The following HECW2 variants were observed in gnomAD, a reference collection of about 807,000 sequenced individuals.
The protein encoded by HECW2 is HECT, C2 and WW domain containing E3 ubiquitin protein ligase 2, also known as E3 ubiquitin-protein ligase HECW2.
In HECW2, 61 loss-of-function variants were observed where a neutral mutation model predicts 175.2. The ratio of observed to expected loss-of-function variants is 0.35; its 90% CI spans 0.28 to 0.43. The LOEUF is 0.43. Among genes scored for constraint, HECW2 ranks in the 20% least tolerant of loss-of-function variants. HECW2 has a pLI of 1.00. For synonymous variants in HECW2, 671 were observed against 731.0 expected (o/e 0.92, Z 1.32); for missense variants, 1,524 against 2,000.5 (o/e 0.76, Z 4.54).
intron 2 of HECW2, among the ~76,000 whole-genome samples, chr2:196,355,236 C>G (rs1223218601): frequency 1.3e-5 from 2 of 152,220 alleles, no homozygotes; most frequent in African/African-American, 4.8e-5. Flanking sequence ...TTTCCAAAGT[C>G]TCTTTCAAGT....
chr2:196,540,413 G>A (rs1208096465), intron 1 of HECW2, among the ~76,000 whole-genome samples: 1 of 151,840 alleles, frequency 6.6e-6, no homozygotes, highest in African/African-American at 2.4e-5. Context: ...TTGTGTTTAA[G>A]GAATATAATT....
intron 9 of HECW2, among the ~76,000 whole-genome samples, chr2:196,317,880 C>T (rs1225521034): frequency 6.6e-6 from 1 of 152,100 alleles, no homozygotes; most frequent in East Asian, 1.9e-4. Context: ...ATTCACTGAG[C>T]GTAATACAAA....
chr2:196,246,626 G>C (rs1196582157), intron 19 of HECW2, among the ~76,000 whole-genome samples: 1 of 151,960 alleles, frequency 6.6e-6, no homozygotes, highest in African/African-American at 2.4e-5. Context: ...TCCTGACCTT[G>C]TGATCCACCC....
Position 196,196,332 on chromosome 2 carries a change from C to T in HECW2, c.*4945G>A, listed in dbSNP as rs1406176901. ...CTTTAATGTCTTCAGCATTCCTTTG[C>T]ATCCATACTAGACAAACAAATTAAT... On this transcript the variant is annotated 3_prime_UTR_variant, in exon 29 of 29. Transcript: ENST00000644978. The T allele has an allele frequency of 6.6e-6, 1 of 152,200 alleles. No homozygotes were observed. The highest frequency in any genetic ancestry group is 1.5e-5 in the Non-Finnish European group (1 of 68,036). The allele number at this position is 152,200 out of a possible 1,614,324, so 9.4% of individuals were successfully genotyped here.
chr2:196,298,901 C>A (rs1690920652), intron 13 of HECW2, among the ~76,000 whole-genome samples: 1 of 152,112 alleles, frequency 6.6e-6, no homozygotes, highest in Non-Finnish European at 1.5e-5. Flanking sequence ...AAACCCTAGA[C>A]AATAAATCTT....
At chr2:196,356,147 C>G (rs1693358441) in intron 2 of HECW2, among the ~76,000 whole-genome samples, 1 of 152,164 alleles carries the variant, frequency 6.6e-6, no homozygotes, top group South Asian at 2.1e-4. Context: ...ATAACAATAA[C>G]ACTCTCTAGA....
chr2:196,415,729 C>T (rs1695237930), intron 2 of HECW2, among the ~76,000 whole-genome samples: 1 of 152,148 alleles, frequency 6.6e-6, no homozygotes, highest in East Asian at 1.9e-4. Flanking sequence ...ACATCCACAA[C>T]AAAGCCTGAA....
In HECW2 at chr2:196,466,020, C is replaced by A. The variant is rs1696938537; in HGVS notation, c.-35-32562G>T. Among the ~76,000 whole-genome samples the A allele has an allele frequency of 3.3e-5, 5 of 152,182 alleles. No individual in the cohort carries two copies. The South Asian group carries it at 1.0e-3, about 32-fold the overall frequency. ...CAATCCCATAACCTTTTAATTGTTT[C>A]TCTAACAGACTGGCTGTTAAGAATA... On this transcript the variant is annotated intron_variant, in intron 1 of 28. Transcript: ENST00000644978.
At chr2:196,208,251 TA>T (rs1687139863) in intron 28 of HECW2, among the ~76,000 whole-genome samples, 1 of 152,254 alleles carries the variant, frequency 6.6e-6, no homozygotes. Flanking sequence ...AACAACTTTG[TA>T]ATATAAATGC....
chr2:196,344,831 C>T (rs1692893630), intron 2 of HECW2, among the ~76,000 whole-genome samples: 1 of 152,162 alleles, frequency 6.6e-6, no homozygotes, highest in East Asian at 1.9e-4. Context: ...ATGAGCTACA[C>T]TAAAAATGGA....
At position 196,318,855 on chromosome 2, in the gene HECW2, C is replaced by T. The variant is rs1691815601; in HGVS notation, c.2035G>A (p.Glu679Lys). Residue 679 changes from glutamate (E) to lysine (K), a missense_variant, in exon 9 of 29, where the codon GAG becomes AAG. By Grantham distance (56) the Glu-to-Lys change is moderately conservative. Transcript: ENST00000644978. The part of the protein sequence containing the change: ...PETPAFSSQE[E>K]EDGACAAEPT... Reference sequence around the variant, plus strand: ...TCTGCTGCACAGGCTCCGTCTTCCTCCTCCTGAGAAGAAAAGGCTGGGGTT... The same window carrying T: ...TCTGCTGCACAGGCTCCGTCTTCCTTCTCCTGAGAAGAAAAGGCTGGGGTT... The T allele has an allele frequency of 6.4e-7, 1 of 1,551,696 alleles. No individual in the cohort carries two copies.
intron 19 of HECW2, among the ~76,000 whole-genome samples, chr2:196,252,210 A>ATAC: frequency 6.9e-6 from 1 of 145,778 alleles, no homozygotes; most frequent in Non-Finnish European, 1.5e-5. Flanking sequence ...AATAATAATA[A>ATAC]TAATAAGGCT....
rs185414250 is a variant in HECW2 at position 196,279,328 on chromosome 2, G to A, written c.3001-666C>T. On this transcript the variant is annotated intron_variant, in intron 14 of 28. Transcript: ENST00000644978. Reference sequence around the variant, plus strand: ...CTCCCAAAGTGCTGGGATTACAGGCGTGAGCCACCGCGCCTGGCCGAAACT... The same window carrying A: ...CTCCCAAAGTGCTGGGATTACAGGCATGAGCCACCGCGCCTGGCCGAAACT... Among the ~76,000 whole-genome samples the A allele has an allele frequency of 1.5e-4, 23 of 152,242 alleles. 1 individual carries two copies. The East Asian group carries it at 3.3e-3, about 22-fold the overall frequency.
intron 13 of HECW2, among the ~76,000 whole-genome samples, chr2:196,302,003 T>G (rs148126391): frequency 6.6e-6 from 1 of 152,336 alleles, no homozygotes; most frequent in Non-Finnish European, 1.5e-5. Flanking sequence ...TTTGTAGGGT[T>G]TTTATAGCTT....
At chr2:196,565,669 A>G (rs1213320354) in intron 1 of HECW2, among the ~76,000 whole-genome samples, 2 of 152,216 alleles carry the variant, frequency 1.3e-5, no homozygotes, top group Admixed American at 1.3e-4. Context: ...AGTGCTTTCA[A>G]AAATTATAAT....
intron 19 of HECW2, among the ~76,000 whole-genome samples, chr2:196,253,114 A>T (rs375117508): frequency 1.3e-5 from 2 of 152,242 alleles, no homozygotes; most frequent in Non-Finnish European, 2.9e-5. Context: ...GCAGTATCCA[A>T]TTAGGCTGCA....
chr2:196,246,472 C>T (rs557690268), intron 19 of HECW2, among the ~76,000 whole-genome samples: 1 of 152,190 alleles, frequency 6.6e-6, no homozygotes, highest in African/African-American at 2.4e-5. Context: ...GCAAGCTCCA[C>T]CTCCCGGGTT....
chr2:196,362,510 T>C (rs1355121198), intron 2 of HECW2, among the ~76,000 whole-genome samples: 2 of 152,202 alleles, frequency 1.3e-5, no homozygotes, highest in African/African-American at 4.8e-5. Flanking sequence ...GACATAGCAT[T>C]CATTTAGGTT....
intron 2 of HECW2, among the ~76,000 whole-genome samples, chr2:196,366,783 G>A (rs1693756677): frequency 1.3e-5 from 2 of 152,240 alleles, no homozygotes; most frequent in South Asian, 4.1e-4. Context: ...ATATTAAGGG[G>A]TTTAAATACA....
Sources: allele counts gnomAD v4.1 joint callset (sites outside exome capture counted in the v4.1 genomes callset), GRCh38; gene constraint gnomAD v4.1.1; transcripts MANE v1.5; gene names NCBI Gene and HGNC (gene_info 2026-07-23, HGNC 2026-07-21).